Variants in SDK1 observed in about 807,000 individuals in gnomAD.
SDK1 encodes sidekick cell adhesion molecule 1.
Under a neutral mutation model 245.5 loss-of-function variants are expected in SDK1, and 157 were observed. The ratio of observed to expected loss-of-function variants is 0.64; its 90% confidence interval spans 0.56 to 0.73. The LOEUF is 0.73. SDK1 is among the 30% of genes least tolerant of loss of function. The pLI, the probability that SDK1 is intolerant of heterozygous loss-of-function variation, is 0.00. For missense variants in SDK1, 3,583 were observed against 3,002.3 expected, an observed-to-expected ratio of 1.19 and a Z score of -4.52; for synonymous variants, 1,647 against 1,278.5, an observed-to-expected ratio of 1.29 and a Z score of -6.15.
intron 38 of SDK1, among the ~76,000 whole-genome samples, chr7:4,211,809 C>A (rs1584457304): frequency 6.6e-6 from 1 of 152,306 alleles, no homozygotes; most frequent in South Asian, 2.1e-4. Context: ...CAGGGTTTCA[C>A]CATGTTAGCC....
chr7:3,358,869 A>G (rs1403032216), intron 1 of SDK1, among the ~76,000 whole-genome samples: 2 of 152,150 alleles, frequency 1.3e-5, no homozygotes, highest in Non-Finnish European at 2.9e-5. Flanking sequence ...TTCAATTTCA[A>G]ATAGTGTTAA....
Position 3,904,716 on chromosome 7 carries a change from G to A in SDK1, c.848-46207G>A, listed in dbSNP as rs146479307. On this transcript the variant is annotated intron_variant, in intron 5 of 44. Coordinates refer to ENST00000404826, the MANE Select transcript of SDK1 (RefSeq NM_152744.4). ...ATCTAAAAAAAATTAATAATAGGCC[G>A]GGCACGGTGGCTCACGCCTGTAATC... Among the ~76,000 whole-genome samples the A allele has an allele frequency of 7.0e-3, 1,059 of 151,500 alleles. 4 individuals are homozygous for A. Among genetic ancestry groups the A allele is most frequent in the South Asian group, 0.024 (116 of 4,770 alleles).
chr7:4,031,895 T>C (rs1418528045), intron 17 of SDK1, among the ~76,000 whole-genome samples: 1 of 151,884 alleles, frequency 6.6e-6, no homozygotes, highest in Admixed American at 6.6e-5. Flanking sequence ...GGCATGGTGG[T>C]GCACGCCTAT....
chr7:3,727,211 C>T (rs1384972283), intron 4 of SDK1, among the ~76,000 whole-genome samples: 6 of 152,218 alleles, frequency 3.9e-5, no homozygotes, highest in Non-Finnish European at 7.3e-5. Context: ...ATGTACATGG[C>T]AGATAGAGAA....
chr7:3,425,069 C>T (rs906298135), intron 1 of SDK1, among the ~76,000 whole-genome samples: 13 of 150,478 alleles, frequency 8.6e-5, no homozygotes, highest in African/African-American at 3.2e-4. Flanking sequence ...GTATTCAAAT[C>T]TTGAGGCCTA....
intron 4 of SDK1, among the ~76,000 whole-genome samples, chr7:3,791,133 T>G (rs984133747): frequency 1.3e-5 from 2 of 151,634 alleles, no homozygotes; most frequent in Admixed American, 6.6e-5. Flanking sequence ...TGGTATGTAG[T>G]AAATATTACA....
chr7:3,852,958 G>A (rs1344928357), intron 5 of SDK1, among the ~76,000 whole-genome samples: 2 of 151,808 alleles, frequency 1.3e-5, no homozygotes, highest in Non-Finnish European at 2.9e-5. Context: ...AAACTAATTA[G>A]CTCTGTTTTC....
At chr7:3,390,644 G>A (rs116075556) in intron 1 of SDK1, among the ~76,000 whole-genome samples, 2,344 of 152,272 alleles carry the variant, frequency 0.015, 77 homozygotes, top group African/African-American at 0.053. Flanking sequence ...GGGACACATA[G>A]GGAGAGTGCC....
At chr7:3,688,516 C>A (rs868514942) in intron 4 of SDK1, among the ~76,000 whole-genome samples, 4 of 152,210 alleles carry the variant, frequency 2.6e-5, no homozygotes, top group Admixed American at 6.5e-5. Context: ...CAAATGCCAG[C>A]TTTGCTGCCG....
At chr7:3,879,962 A>G (rs573441480) in intron 5 of SDK1, among the ~76,000 whole-genome samples, 1 of 152,214 alleles carries the variant, frequency 6.6e-6, no homozygotes, top group Non-Finnish European at 1.5e-5. Context: ...CACTTGAGAT[A>G]AAGAGCCAGG....
At chr7:3,716,694 T>A (rs1785210267) in intron 4 of SDK1, among the ~76,000 whole-genome samples, 2 of 150,222 alleles carry the variant, frequency 1.3e-5, no homozygotes, top group Admixed American at 1.3e-4. Context: ...AGGAGGTCAG[T>A]GCTGCAGTGA....
chr7:3,649,104 G>C (rs1054756294), intron 4 of SDK1, among the ~76,000 whole-genome samples: 4 of 152,032 alleles, frequency 2.6e-5, no homozygotes, highest in Non-Finnish European at 5.9e-5. Flanking sequence ...CATCCCACGT[G>C]TGCCCCTCAG....
At chr7:4,086,447 G>A (rs60646125) in intron 22 of SDK1, among the ~76,000 whole-genome samples, 7,257 of 152,210 alleles carry the variant, frequency 0.048, 469 homozygotes, top group African/African-American at 0.15. Context: ...GGTCATTCGG[G>A]TTGCGGCAGA....
intron 17 of SDK1, among the ~76,000 whole-genome samples, chr7:4,025,390 G>A (rs1235137627): frequency 1.3e-5 from 2 of 152,216 alleles, no homozygotes. Flanking sequence ...GCCAGCCGAG[G>A]CACATAGCGG....
chr7:3,386,895 A>T (rs1781622725), intron 1 of SDK1, among the ~76,000 whole-genome samples: 1 of 152,194 alleles, frequency 6.6e-6, no homozygotes. Flanking sequence ...ATGTTTAAAG[A>T]CATCTTTACT....
intron 1 of SDK1, among the ~76,000 whole-genome samples, chr7:3,413,268 T>C (rs1368207971): frequency 6.6e-6 from 1 of 152,090 alleles, no homozygotes; most frequent in African/African-American, 2.4e-5. Context: ...GCAAAGGGAC[T>C]ATCATGAGCA....
intron 1 of SDK1, among the ~76,000 whole-genome samples, chr7:3,449,885 T>G (rs1315870620): frequency 6.6e-6 from 1 of 152,178 alleles, no homozygotes; most frequent in Non-Finnish European, 1.5e-5. Flanking sequence ...TCAGGTTACA[T>G]CATTGCAGAA....
chr7:3,494,184 T>C (rs992216552), intron 1 of SDK1, among the ~76,000 whole-genome samples: 2 of 152,228 alleles, frequency 1.3e-5, no homozygotes, highest in Admixed American at 6.5e-5. Context: ...AGCCATTTTT[T>C]ATTTCATTAG....
intron 17 of SDK1, among the ~76,000 whole-genome samples, chr7:4,022,812 C>G (rs1363170409): frequency 6.9e-6 from 1 of 144,156 alleles, no homozygotes; most frequent in Non-Finnish European, 1.5e-5. Flanking sequence ...CTTGCTCTGT[C>G]TCCCAGGCTG....
Sources: gnomAD v4.1 joint callset for allele counts (sites outside exome capture counted in the v4.1 genomes callset) on GRCh38, gnomAD v4.1.1 for gene constraint, MANE v1.5 for transcripts, NCBI Gene and HGNC (gene_info 2026-07-23, HGNC 2026-07-21) for gene names.